CDK8: variants seen among roughly 807,000 people sequenced by gnomAD.
CDK8 encodes cyclin dependent kinase 8.
A neutral mutation model predicts 71.5 loss-of-function variants in CDK8; 29 were observed. That is an observed-to-expected ratio of 0.41 (90% CI 0.30 to 0.55). The LOEUF is 0.55. CDK8 is among the 20% of genes least tolerant of loss of function. The pLI, the probability that CDK8 is intolerant of heterozygous loss-of-function variation, is 0.37. For synonymous variants in CDK8, 161 were observed against 192.1 expected, an observed-to-expected ratio of 0.84 and a Z score of 1.34; for missense variants, 288 against 572.6, an observed-to-expected ratio of 0.50 and a Z score of 5.07.
rs1458091072 is a variant in CDK8, at chr13:26,403,989, G to A, written c.1303G>A (p.Gly435Arg). The A allele has an allele frequency of 3.1e-6, 5 of 1,613,496 alleles. No homozygotes were observed. Among genetic ancestry groups the A allele is most frequent in the Non-Finnish European group, 4.2e-6 (5 of 1,180,004 alleles). Residue 435 changes from glycine to arginine, a missense_variant, in exon 13 of 13, where the codon GGA becomes AGA. Gly to Arg is a moderately radical substitution (Grantham distance 125, BLOSUM62 -2). Coordinates refer to ENST00000381527, the MANE Select transcript of CDK8 (RefSeq NM_001260.3). The stretch of plus-strand genomic sequence containing the variant: ...TCCACATGCTGCCTATCCCAACCCT[G>A]GACCAAGCACATCACAGCCGCAGAG... The part of the protein sequence containing the change: ...SNPHAAYPNP[G>R]PSTSQPQSSM...
chr13:26,366,999 A>C (rs1874421100), intron 4 of CDK8, among the ~76,000 whole-genome samples: 1 of 152,198 alleles, frequency 6.6e-6, no homozygotes, highest in Non-Finnish European at 1.5e-5. Context: ...AACCCTGCTG[A>C]CACTGGTCGA....
At chr13:26,281,475 C>T (rs950181294) in intron 1 of CDK8, among the ~76,000 whole-genome samples, 1 of 127,622 alleles carries the variant, frequency 7.8e-6, no homozygotes, top group Admixed American at 7.5e-5. Flanking sequence ...ACAAAAGAAT[C>T]TGAACAACAG....
chr13:26,288,300 T>C (rs890112477), intron 1 of CDK8, among the ~76,000 whole-genome samples: 1 of 152,222 alleles, frequency 6.6e-6, no homozygotes, highest in Non-Finnish European at 1.5e-5. Flanking sequence ...GCAGTGAGCT[T>C]TTTGTACTAT....
chr13:26,343,792 CT>C (rs375929828), intron 2 of CDK8, among the ~76,000 whole-genome samples: 41 of 152,232 alleles, frequency 2.7e-4, no homozygotes, highest in Middle Eastern at 3.4e-3. Context: ...ACATTATAAA[CT>C]TTTTTTCACT....
intron 1 of CDK8, among the ~76,000 whole-genome samples, chr13:26,261,444 C>T (rs9581603): frequency 0.11 from 16,451 of 152,054 alleles, 2,632 homozygotes; most frequent in African/African-American, 0.35. Flanking sequence ...AAAAAGAAAC[C>T]CATTAAGCAG....
At chr13:26,340,330 G>C (rs1366726179) in intron 2 of CDK8, among the ~76,000 whole-genome samples, 1 of 151,920 alleles carries the variant, frequency 6.6e-6, no homozygotes, top group Non-Finnish European at 1.5e-5. Flanking sequence ...TTCATTGTGG[G>C]TCAGAGAAAA....
intron 1 of CDK8, among the ~76,000 whole-genome samples, chr13:26,320,317 G>T (rs1207443832): frequency 1.3e-5 from 2 of 151,984 alleles, no homozygotes; most frequent in Admixed American, 6.6e-5. Context: ...AGGCTGGGTC[G>T]GGAGGATCGC....
chr13:26,375,595 T>C (rs1282317880), intron 4 of CDK8, among the ~76,000 whole-genome samples: 2 of 152,218 alleles, frequency 1.3e-5, no homozygotes, highest in East Asian at 3.8e-4. Context: ...ACCACAACAG[T>C]GTAAACATAT....
chr13:26,363,609 GTTC>G (rs1023951375), intron 4 of CDK8, among the ~76,000 whole-genome samples: 8 of 152,158 alleles, frequency 5.3e-5, no homozygotes, highest in East Asian at 1.9e-4. Flanking sequence ...GGCTCAAGCA[GTTC>G]TTCTGCCTTG....
chr13:26,304,483 G>A (rs1873954519), intron 1 of CDK8, among the ~76,000 whole-genome samples: 1 of 151,358 alleles, frequency 6.6e-6, no homozygotes, highest in South Asian at 2.1e-4. Flanking sequence ...TATTAACTTG[G>A]ATGCTTTATA....
At chr13:26,386,226 A>G (rs1337994612) in intron 6 of CDK8, among the ~76,000 whole-genome samples, 9 of 152,218 alleles carry the variant, frequency 5.9e-5, no homozygotes, top group Admixed American at 2.0e-4. Flanking sequence ...TTTGCTAACC[A>G]TAGTTCCCAC....
intron 9 of CDK8, 43 bp from the exon 10 acceptor site, chr13:26,400,410 G>C: frequency 8.6e-7 from 1 of 1,167,834 alleles, no homozygotes; most frequent in Non-Finnish European, 1.3e-6. Context: ...AAAGATAACT[G>C]TGAGAAGCAA....
At chr13:26,364,283 C>T (rs1246036182) in intron 4 of CDK8, among the ~76,000 whole-genome samples, 1 of 152,022 alleles carries the variant, frequency 6.6e-6, no homozygotes, top group Non-Finnish European at 1.5e-5. Context: ...GAGAGTGCAT[C>T]ATATATGTTA....
At chr13:26,319,692 T>C (rs2137944944) in intron 1 of CDK8, among the ~76,000 whole-genome samples, 1 of 151,884 alleles carries the variant, frequency 6.6e-6, no homozygotes, top group Admixed American at 6.5e-5. Context: ...GCTTTTTTTT[T>C]TTTTTTGCAT....
At chr13:26,363,103 C>T (rs1056373579) in intron 4 of CDK8, among the ~76,000 whole-genome samples, 2 of 148,192 alleles carry the variant, frequency 1.3e-5, no homozygotes, top group African/African-American at 2.5e-5. Context: ...GAGTGGATCA[C>T]GAGGTCAAGA....
intron 6 of CDK8, among the ~76,000 whole-genome samples, chr13:26,388,015 T>A (rs113822323): frequency 1.3e-5 from 2 of 152,176 alleles, no homozygotes; most frequent in Non-Finnish European, 1.5e-5. Flanking sequence ...ATGAATCTTG[T>A]CTCTGACAGT....
At chr13:26,368,772 GGTTAA>G (rs373613688) in intron 4 of CDK8, among the ~76,000 whole-genome samples, 97 of 152,256 alleles carry the variant, frequency 6.4e-4, no homozygotes, top group African/African-American at 2.3e-3. Context: ...TTCTGTGCCT[GGTTAA>G]GTTGTTTGTT....
At chr13:26,326,751 C>A (rs887044582) in intron 1 of CDK8, among the ~76,000 whole-genome samples, 2 of 152,192 alleles carry the variant, frequency 1.3e-5, no homozygotes, top group South Asian at 4.1e-4. Context: ...CTGGCAAAGT[C>A]ATTGGAGTGT....
intron 6 of CDK8, among the ~76,000 whole-genome samples, chr13:26,388,654 A>AT (rs1251338854): frequency 6.6e-6 from 1 of 152,082 alleles, no homozygotes; most frequent in African/African-American, 2.4e-5. Flanking sequence ...TTATCTTGTT[A>AT]TTTTTCCTGA....
Sources: allele counts gnomAD v4.1 joint callset (sites outside exome capture counted in the v4.1 genomes callset), GRCh38; gene constraint gnomAD v4.1.1; transcripts MANE v1.5; gene names NCBI Gene and HGNC (gene_info 2026-07-23, HGNC 2026-07-21).